RUBCNL: variants seen among roughly 807,000 people sequenced by gnomAD.
RUBCNL encodes rubicon like autophagy enhancer, also known as protein associated with UVRAG as autophagy enhancer.
RUBCNL carries 62 observed loss-of-function variants against 69.5 expected under a neutral mutation model. That is an observed-to-expected ratio of 0.89 (90% confidence interval 0.73 to 1.10). The LOEUF (loss-of-function observed/expected upper bound fraction) is 1.10, where lower values mean the gene tolerates loss of function less well. Among genes scored for constraint, RUBCNL ranks in the 50% least tolerant of loss-of-function variants. The pLI, the probability that RUBCNL is intolerant of heterozygous loss-of-function variation, is 0.00. For synonymous variants in RUBCNL, 291 were observed against 303.6 expected, an observed-to-expected ratio of 0.96 and a Z score of 0.43; for missense variants, 768 against 798.1, an observed-to-expected ratio of 0.96 and a Z score of 0.45.
chr13:46,375,832 C>T (rs1261867351), intron 2 of RUBCNL, among the ~76,000 whole-genome samples: 1 of 152,076 alleles, frequency 6.6e-6, no homozygotes, highest in African/African-American at 2.4e-5. Context: ...CACAGTTGAC[C>T]CTTGAACAAC....
chr13:46,354,939 C>T (rs1566070440), intron 10 of RUBCNL: 1 of 432,974 alleles, frequency 2.3e-6, no homozygotes, highest in South Asian at 1.6e-5. Flanking sequence ...TCAATATTTA[C>T]AGAAGCGCCA....
rs1424845730 is a variant in RUBCNL at position 46,336,597 on chromosome 13, T to C, written c.*6788A>G. Among the ~76,000 whole-genome samples, 2 of 152,138 alleles carry C rather than the reference T, an allele frequency of 1.3e-5. No individual in the cohort carries two copies. Among genetic ancestry groups the C allele is most frequent in the Non-Finnish European group, 1.5e-5 (1 of 68,032 alleles). ...TATTATATTTTATTATAAAACAGTATTCTCTTTTGTTAAGAAGAATGCAAG... is the reference window on the plus strand; with the variant it reads ...TATTATATTTTATTATAAAACAGTACTCTCTTTTGTTAAGAAGAATGCAAG... On this transcript the variant is annotated 3_prime_UTR_variant, in exon 15 of 15. Coordinates refer to ENST00000429979, the MANE Select transcript of RUBCNL (RefSeq NM_025113.5).
chr13:46,381,867 T>C (rs962773796), intron 1 of RUBCNL, among the ~76,000 whole-genome samples: 1 of 152,192 alleles, frequency 6.6e-6, no homozygotes, highest in Non-Finnish European at 1.5e-5. Flanking sequence ...TGCAGTGGCA[T>C]GATCATGGCT....
intron 11 of RUBCNL, 70 bp from the exon 12 acceptor site, chr13:46,349,417 T>G (rs1171691837): frequency 1.4e-6 from 2 of 1,414,420 alleles, no homozygotes; most frequent in Non-Finnish European, 2.0e-6. Flanking sequence ...GCAAGTCAAA[T>G]TTAAATGTTA....
At position 46,387,150 on chromosome 13, in the gene RUBCNL, G is replaced by A. The variant is rs1024350223; in HGVS notation, c.-255C>T. On this transcript the variant is annotated 5_prime_UTR_variant, in exon 1 of 15. Transcript: ENST00000429979. The stretch of plus-strand genomic sequence containing the variant: ...CAGCCTCACCCAGCCAAACCCGAGC[G>A]GTGGAACGCTGCGCTGGGTAAACGC... 2.0e-6 allele frequency: 2 copies of A among 985,266 alleles called. No homozygotes were observed. The highest frequency in any genetic ancestry group is 1.1e-4 in the East Asian group (1 of 8,790). 61.0% of individuals were successfully genotyped at this position (985,266 alleles called of 1,614,324 possible). A position where few individuals can be genotyped will look rare whatever the true frequency, so the allele number is the denominator to read the frequency against.
At position 46,335,252 on chromosome 13, in the gene RUBCNL, T is replaced by C. The variant is rs1453121083; in HGVS notation, c.*8133A>G. ...GCTAATTTGTGTCTTTTTGTTGTTG[T>C]TGTTGTTGTTTTTTTTTTTTTTTTT... On this transcript the variant is annotated 3_prime_UTR_variant, in exon 15 of 15. Coordinates refer to ENST00000429979, the MANE Select transcript of RUBCNL (RefSeq NM_025113.5). 5.0e-5 allele frequency among the ~76,000 whole-genome samples: 6 copies of C among 119,662 alleles called. No individual in the cohort carries two copies. 78.5% of individuals were successfully genotyped at this position (119,662 alleles called of 152,430 possible). A position where few individuals can be genotyped will look rare whatever the true frequency, so the allele number is the denominator to read the frequency against.
At chr13:46,347,105 T>G (rs1033908452) in intron 12 of RUBCNL, among the ~76,000 whole-genome samples, 1 of 152,086 alleles carries the variant, frequency 6.6e-6, no homozygotes, top group Admixed American at 6.6e-5. Flanking sequence ...ATAATACCTC[T>G]TAATAGACTT....
chr13:46,361,100 C>A (rs931203742), intron 8 of RUBCNL, among the ~76,000 whole-genome samples: 1 of 152,194 alleles, frequency 6.6e-6, no homozygotes, highest in African/African-American at 2.4e-5. Context: ...TGGCGTGCGC[C>A]TGTAGTCCCA....
Position 46,372,423 on chromosome 13 carries a change from C to T in RUBCNL, c.53G>A (p.Gly18Glu), listed in dbSNP as rs993269341. Residue 18 changes from glycine to glutamate, a missense_variant, in exon 3 of 15, where the codon GGG (glycine) becomes GAG (glutamate). Gly to Glu is a moderately conservative substitution (Grantham distance 98, BLOSUM62 -2). Coordinates refer to ENST00000429979, the MANE Select transcript of RUBCNL (RefSeq NM_025113.5). ...RQDSPVEPWE[G>E]ISDHSGIIDG... ...AATAATGCCAGAGTGATCGCTGATC[C>T]CTTCCCAGGGCTCCACAGGAGAATC... The T allele has an allele frequency of 2.5e-6, 4 of 1,612,394 alleles. No homozygotes were observed. In the South Asian group the frequency reaches 3.3e-5, roughly 13 times the overall value.
At chr13:46,346,537 A>AT (rs991865778) in intron 12 of RUBCNL, among the ~76,000 whole-genome samples, 14 of 151,986 alleles carry the variant, frequency 9.2e-5, no homozygotes, top group Non-Finnish European at 1.8e-4. Context: ...AGATCTACTA[A>AT]TTTTTTTTAT....
chr13:46,386,602 G>A (rs1040197078), intron 1 of RUBCNL, among the ~76,000 whole-genome samples: 8 of 151,840 alleles, frequency 5.3e-5, no homozygotes, highest in African/African-American at 1.7e-4. Flanking sequence ...GGGGTTGGGG[G>A]CGAGAAGAGT....
At chr13:46,350,646 C>T (rs777216765) in intron 10 of RUBCNL, 1 of 294,904 alleles carries the variant, frequency 3.4e-6, no homozygotes, top group Non-Finnish European at 6.3e-6. Flanking sequence ...GCAAAAGGAA[C>T]ATTCATTTTA....
chr13:46,360,559 G>A (rs1025931308), intron 8 of RUBCNL, among the ~76,000 whole-genome samples: 4 of 152,070 alleles, frequency 2.6e-5, no homozygotes, highest in Non-Finnish European at 4.4e-5. Flanking sequence ...TGCCAAGAAC[G>A]TCCTCCCCCA....
rs1306487793 is a variant in RUBCNL at position 46,338,232 on chromosome 13, G to T, written c.*5153C>A. ...AAATATGTTTTATCTTCCTACCATG[G>T]TGAATATCCCTTCATCAGGACCCGA... is the stretch of plus-strand genomic sequence containing the variant. On this transcript the variant is annotated 3_prime_UTR_variant, in exon 15 of 15. Transcript: ENST00000429979. Among the ~76,000 whole-genome samples the T allele has an allele frequency of 6.6e-6, 1 of 152,150 alleles. No homozygotes were observed. The highest frequency in any genetic ancestry group is 2.4e-5 in the African/African-American group (1 of 41,434).
chr13:46,375,808 T>TAC (rs962458605), intron 2 of RUBCNL, among the ~76,000 whole-genome samples: 1 of 152,170 alleles, frequency 6.6e-6, no homozygotes, highest in African/African-American at 2.4e-5. Context: ...TTATAATTTA[T>TAC]ACACACACAC....
chr13:46,362,939 G>GAGATATATATATATATATAT (rs1718394534), intron 6 of RUBCNL, among the ~76,000 whole-genome samples, 176 bp downstream of exon 6: 1 of 41,504 alleles, frequency 2.4e-5, no homozygotes, highest in Non-Finnish European at 3.8e-5. Context: ...TATATATATA[G>GAGATATATATATATATATAT]ATATATATAT....
chr13:46,372,727 C>T (rs944004729), intron 2 of RUBCNL, 130 bp from the exon 3 acceptor site: 24 of 646,816 alleles, frequency 3.7e-5, no homozygotes, highest in African/African-American at 3.6e-4. Flanking sequence ...TAGTAAAGCC[C>T]GCTTGGATTT....
At chr13:46,371,521 A>G (rs2048874296) in intron 3 of RUBCNL, among the ~76,000 whole-genome samples, 1 of 152,186 alleles carries the variant, frequency 6.6e-6, no homozygotes, top group Non-Finnish European at 1.5e-5. Context: ...CAGATTCTAT[A>G]CAGGTAAATA....
chr13:46,368,945 A>G, intron 3 of RUBCNL, 130 bp from the exon 4 acceptor site: 1 of 669,888 alleles, frequency 1.5e-6, no homozygotes. Context: ...ATAAATTCAG[A>G]TGACAGGAAA....
Sources: allele counts gnomAD v4.1 joint callset (sites outside exome capture counted in the v4.1 genomes callset), GRCh38; gene constraint gnomAD v4.1.1; transcripts MANE v1.5; gene names NCBI Gene and HGNC (gene_info 2026-07-23, HGNC 2026-07-21).